Variants in RAP1GAP2 observed in about 807,000 individuals in gnomAD.
RAP1GAP2 encodes RAP1 GTPase activating protein 2, also known as rap1 GTPase-activating protein 2.
In RAP1GAP2, 27 loss-of-function variants were observed where a neutral mutation model predicts 95.0. The ratio of observed to expected loss-of-function variants is 0.28; its 90% CI spans 0.21 to 0.39. The LOEUF (loss-of-function observed/expected upper bound fraction) is 0.39. Ranked by LOEUF, RAP1GAP2 falls within the 10% of genes least tolerant of loss-of-function variation. The pLI, the probability that RAP1GAP2 is intolerant of heterozygous loss-of-function variation, is 1.00. For synonymous variants in RAP1GAP2, 373 were observed against 380.9 expected, an observed-to-expected ratio of 0.98 and a Z score of 0.24; for missense variants, 771 against 970.0, an observed-to-expected ratio of 0.79 and a Z score of 2.72.
chr17:2,780,998 G>A (rs1446738751), intron 1 of RAP1GAP2, among the ~76,000 whole-genome samples: 3 of 152,184 alleles, frequency 2.0e-5, no homozygotes, highest in Non-Finnish European at 4.4e-5. Context: ...GATTCCAGAT[G>A]GTTCTAAGGG....
intron 2 of RAP1GAP2, among the ~76,000 whole-genome samples, chr17:2,835,123 C>T (rs200055183): frequency 6.6e-6 from 1 of 150,862 alleles, no homozygotes; most frequent in African/African-American, 2.4e-5. Context: ...AGGGATTCAC[C>T]GTGTTAGCCA....
rs755329622 is a variant in RAP1GAP2, at chr17:2,963,876, G to A, written c.300G>A (p.Pro100=). 1.4e-5 allele frequency: 22 copies of A among 1,609,440 alleles called. No homozygotes were observed. The highest frequency in any genetic ancestry group is 2.7e-5 in the African/African-American group (2 of 74,762). ...SIDEVVEKGG[P]YPQVILPQFG... ...TTCAGGTTGTGGAGAAGGGAGGCCCGTACCCTCAGGTCATCCTGCCACAGT... is the reference window on the plus strand; with the variant it reads ...TTCAGGTTGTGGAGAAGGGAGGCCCATACCCTCAGGTCATCCTGCCACAGT... The change falls in exon 7 of 25, where the codon CCG becomes CCA. Residue 100 remains proline (P), a synonymous_variant. Coordinates refer to ENST00000254695, the MANE Select transcript of RAP1GAP2 (RefSeq NM_015085.5). This position sits in a 1 kb window ranked among gnomAD's most constrained non-coding sequence, Gnocchi z 4.8.
At chr17:3,006,291 G>A (rs2046332296) in intron 16 of RAP1GAP2, among the ~76,000 whole-genome samples, 1 of 151,674 alleles carries the variant, frequency 6.6e-6, no homozygotes, top group Non-Finnish European at 1.5e-5. Flanking sequence ...ACCACGCCCA[G>A]CTAATTTTTG....
At chr17:2,891,972 T>C (rs1018847627) in intron 2 of RAP1GAP2, among the ~76,000 whole-genome samples, 1 of 151,676 alleles carries the variant, frequency 6.6e-6, no homozygotes, top group Non-Finnish European at 1.5e-5. Context: ...TACAGTCATG[T>C]GCCACCATGC....
chr17:2,852,716 T>G (rs927026190), intron 2 of RAP1GAP2, among the ~76,000 whole-genome samples: 1 of 152,214 alleles, frequency 6.6e-6, no homozygotes, highest in African/African-American at 2.4e-5. Flanking sequence ...CCACTTCCTT[T>G]TCCCTAGAGG....
chr17:2,915,306 C>T (rs906152046), intron 3 of RAP1GAP2, among the ~76,000 whole-genome samples: 3 of 152,026 alleles, frequency 2.0e-5, no homozygotes, highest in African/African-American at 7.2e-5. Flanking sequence ...ACAGAGCTCA[C>T]TGCAGCCTCA....
intron 8 of RAP1GAP2, among the ~76,000 whole-genome samples, chr17:2,979,687 G>A (rs942809570): frequency 5.3e-5 from 8 of 149,760 alleles, no homozygotes; most frequent in Admixed American, 2.0e-4. Context: ...GGCTGGTCTC[G>A]AACTCCTGAC....
At chr17:3,028,854 G>A (rs969367406) in intron 22 of RAP1GAP2, among the ~76,000 whole-genome samples, 4 of 152,162 alleles carry the variant, frequency 2.6e-5, no homozygotes, top group African/African-American at 9.7e-5. Flanking sequence ...AGGCTGGAGT[G>A]CAATGGCGCA....
chr17:2,969,177 A>G (rs1336912567), intron 8 of RAP1GAP2, among the ~76,000 whole-genome samples: 1 of 100,040 alleles, frequency 1.0e-5, no homozygotes, highest in Non-Finnish European at 2.3e-5. Context: ...CTATCTATCT[A>G]TCTATATATA....
chr17:3,036,134 T>C lies in RAP1GAP2; in HGVS notation c.*2773T>C, dbSNP rs967559948. 3 of 152,266 alleles carry C rather than the reference T, an allele frequency of 2.0e-5. No individual in the cohort carries two copies. Among genetic ancestry groups the C allele is most frequent in the African/African-American group, 7.2e-5 (3 of 41,476 alleles). The allele number at this position is 152,266 out of a possible 1,614,324, so 9.4% of individuals were successfully genotyped here. On this transcript the variant is annotated 3_prime_UTR_variant, in exon 25 of 25. Coordinates refer to ENST00000254695, the MANE Select transcript of RAP1GAP2 (RefSeq NM_015085.5). The stretch of plus-strand genomic sequence containing the variant: ...GATGGAAGGTCTTAATGAGAGTGTC[T>C]GTCTATGCCAATCATGTAAAATGAC...
rs568449472 is a variant in RAP1GAP2, at chr17:2,873,755, ATTAT to A, written c.81-31510_81-31507del. On this transcript the variant is annotated intron_variant, in intron 2 of 24. Transcript: ENST00000254695. ...TTAATGCTACTGAATTGTATACTTT[ATTAT>A]TTATTTATTTATTTATTTTTGAGAT... 2.6e-3 allele frequency among the ~76,000 whole-genome samples: 400 copies of A among 151,958 alleles called. 2 individuals carry two copies. Among genetic ancestry groups the A allele is most frequent in the African/African-American group, 8.0e-3 (333 of 41,446 alleles).
intron 1 of RAP1GAP2, among the ~76,000 whole-genome samples, chr17:2,767,933 C>T (rs1009674895): frequency 3.9e-5 from 6 of 152,180 alleles, no homozygotes; most frequent in South Asian, 4.2e-4. Context: ...GAGGTTTCAC[C>T]GTATTAGCCA....
chr17:2,958,363 G>A (rs1026787407), intron 4 of RAP1GAP2, among the ~76,000 whole-genome samples: 22 of 152,132 alleles, frequency 1.4e-4, no homozygotes, highest in African/African-American at 5.3e-4. Flanking sequence ...ATGTGGGTTT[G>A]GGGGTTCTTC....
At chr17:2,971,979 T>C (rs2044884687) in intron 8 of RAP1GAP2, among the ~76,000 whole-genome samples, 1 of 152,224 alleles carries the variant, frequency 6.6e-6, no homozygotes, top group South Asian at 2.1e-4. Flanking sequence ...CATAAAAAGA[T>C]GCATGACCAC....
intron 1 of RAP1GAP2, among the ~76,000 whole-genome samples, chr17:2,762,826 G>A (rs1411491863): frequency 3.3e-5 from 5 of 151,892 alleles, no homozygotes; most frequent in Non-Finnish European, 7.4e-5. Flanking sequence ...ATAGGTGCAC[G>A]CCACCATACC....
intron 18 of RAP1GAP2, among the ~76,000 whole-genome samples, chr17:3,019,607 G>A (rs921310582): frequency 2.0e-5 from 3 of 152,162 alleles, no homozygotes; most frequent in Non-Finnish European, 4.4e-5. Context: ...TACTCACCAT[G>A]GAACTAATTA....
chr17:2,846,184 A>G (rs906106278), intron 2 of RAP1GAP2, among the ~76,000 whole-genome samples: 8 of 150,966 alleles, frequency 5.3e-5, no homozygotes, highest in Non-Finnish European at 4.4e-5. Flanking sequence ...CTCTGTCTCA[A>G]TTGAAAAAAA....
At chr17:2,851,011 G>C (rs888756813) in intron 2 of RAP1GAP2, among the ~76,000 whole-genome samples, 1 of 150,708 alleles carries the variant, frequency 6.6e-6, no homozygotes, top group Non-Finnish European at 1.5e-5. Context: ...AGTGAGCCAA[G>C]ACCGTGCCAT....
chr17:2,954,008 C>T (rs1317009273), intron 3 of RAP1GAP2, among the ~76,000 whole-genome samples: 1 of 152,194 alleles, frequency 6.6e-6, no homozygotes, highest in African/African-American at 2.4e-5. Context: ...TCCCCCTCAG[C>T]TTAAGCAAGC....
Sources: allele counts gnomAD v4.1 joint callset (sites outside exome capture counted in the v4.1 genomes callset), GRCh38; gene constraint gnomAD v4.1.1; non-coding constraint Gnocchi (gnomAD v3.1); transcripts MANE v1.5; gene names NCBI Gene and HGNC (gene_info 2026-07-23, HGNC 2026-07-21).